Variants in NRG1 observed in about 807,000 individuals in gnomAD.
The protein encoded by NRG1 is neuregulin 1.
NRG1 carries 18 observed loss-of-function variants against 63.8 expected under a neutral mutation model. The observed-to-expected ratio is 0.28, with a 90% CI of 0.19 to 0.42. The LOEUF (loss-of-function observed/expected upper bound fraction) is 0.42. Ranked by LOEUF, NRG1 falls within the 10% of genes least tolerant of loss-of-function variation. The pLI, the probability that NRG1 is intolerant of heterozygous loss-of-function variation, is 1.00. For missense variants in NRG1, 762 were observed against 814.7 expected, an observed-to-expected ratio of 0.94 and a Z score of 0.79; for synonymous variants, 302 against 301.3, an observed-to-expected ratio of 1.00 and a Z score of -0.02.
At chr8:32,387,301 G>A (rs900379084) in intron 1 of NRG1, among the ~76,000 whole-genome samples, 1 of 152,198 alleles carries the variant, frequency 6.6e-6, no homozygotes, top group African/African-American at 2.4e-5. Context: ...TGGCTTTGAA[G>A]TTCAGAACAT....
chr8:31,718,706 A>G (rs1272534748), intron 1 of NRG1, among the ~76,000 whole-genome samples: 1 of 152,236 alleles, frequency 6.6e-6, no homozygotes, highest in African/African-American at 2.4e-5. Flanking sequence ...GGGGATGCAC[A>G]TTTGGAATAC....
chr8:32,278,358 A>C, intron 1 of NRG1, among the ~76,000 whole-genome samples: 1 of 152,318 alleles, frequency 6.6e-6, no homozygotes, highest in South Asian at 2.1e-4. Flanking sequence ...CTTCAAAAAA[A>C]GGATAAAAGT....
rs1372742082 is a variant in NRG1, at chr8:32,760,627, C to T, written c.1259+221C>T. On this transcript the variant is annotated intron_variant, in intron 11 of 11. Coordinates refer to ENST00000356819, the Ensembl canonical transcript of NRG1. ...CCCAGTGACTGACAGGCAACAGACT[C>T]TTAAAGAGCTGGGATGCTTTGATGC... is the stretch of plus-strand genomic sequence containing the variant. 3.0e-6 allele frequency: 4 copies of T among 1,352,986 alleles called. No individual in the cohort carries two copies. In the African/African-American group the frequency reaches 4.4e-5, roughly 15 times the overall value. The allele number at this position is 1,352,986 out of a possible 1,614,324, so 83.8% of individuals were successfully genotyped here.
chr8:32,520,161 C>A (rs970340443), intron 1 of NRG1, among the ~76,000 whole-genome samples: 2 of 151,996 alleles, frequency 1.3e-5, no homozygotes, highest in Non-Finnish European at 2.9e-5. Flanking sequence ...CTTTTGTTTT[C>A]TTCTGTTGTT....
At chr8:31,659,487 C>T (rs1484786859) in intron 1 of NRG1, among the ~76,000 whole-genome samples, 4 of 151,976 alleles carry the variant, frequency 2.6e-5, no homozygotes, top group Admixed American at 6.6e-5. Flanking sequence ...CCCCCAGGGG[C>T]GAGGGGGGAT....
At chr8:31,804,490 C>T (rs1303334935) in intron 1 of NRG1, among the ~76,000 whole-genome samples, 1 of 152,094 alleles carries the variant, frequency 6.6e-6, no homozygotes, top group Non-Finnish European at 1.5e-5. Flanking sequence ...GGCCAGGACC[C>T]CTCTTTTTAT....
At chr8:32,187,634 T>C (rs1436814748) in intron 1 of NRG1, among the ~76,000 whole-genome samples, 1 of 151,990 alleles carries the variant, frequency 6.6e-6, no homozygotes, top group Non-Finnish European at 1.5e-5. Context: ...GCACTTAGGC[T>C]AAAGTCACTG....
At chr8:31,888,792 A>G (rs952654354) in intron 1 of NRG1, among the ~76,000 whole-genome samples, 11 of 152,142 alleles carry the variant, frequency 7.2e-5, no homozygotes, top group African/African-American at 2.4e-4. Flanking sequence ...CACCATTAAT[A>G]AATCTGTTAT....
At chr8:32,157,505 C>T (rs376248641) in intron 1 of NRG1, among the ~76,000 whole-genome samples, 2 of 150,720 alleles carry the variant, frequency 1.3e-5, no homozygotes, top group South Asian at 2.1e-4. Flanking sequence ...ACTAAAAATA[C>T]AAAATTAGCC....
At chr8:31,742,361 A>G (rs1246200531) in intron 1 of NRG1, among the ~76,000 whole-genome samples, 2 of 151,282 alleles carry the variant, frequency 1.3e-5, no homozygotes, top group Admixed American at 6.6e-5. Context: ...CAAATTGTAT[A>G]TACATTTTAA....
chr8:31,729,982 C>G (rs531746752), intron 1 of NRG1, among the ~76,000 whole-genome samples: 36 of 152,150 alleles, frequency 2.4e-4, no homozygotes, highest in African/African-American at 8.4e-4. Context: ...AGAATTCCTA[C>G]GGAGTATAGG....
chr8:32,270,757 A>C (rs1467792369), intron 1 of NRG1, among the ~76,000 whole-genome samples: 1 of 152,214 alleles, frequency 6.6e-6, no homozygotes, highest in Non-Finnish European at 1.5e-5. Context: ...GCAGCTTTAA[A>C]TTGGCCATGT....
At chr8:31,788,977 C>A (rs1820436633) in intron 1 of NRG1, among the ~76,000 whole-genome samples, 1 of 152,188 alleles carries the variant, frequency 6.6e-6, no homozygotes, top group African/African-American at 2.4e-5. Flanking sequence ...TTTTAGAGAA[C>A]TGCCCATTAT....
intron 1 of NRG1, among the ~76,000 whole-genome samples, chr8:32,266,584 T>C (rs1850962166): frequency 6.6e-6 from 1 of 152,104 alleles, no homozygotes. Context: ...TAGCAAGAAA[T>C]ATTAAGATTA....
At chr8:32,027,067 T>C (rs1817493359) in intron 1 of NRG1, among the ~76,000 whole-genome samples, 1 of 152,162 alleles carries the variant, frequency 6.6e-6, no homozygotes, top group Non-Finnish European at 1.5e-5. Flanking sequence ...CTTTATCATC[T>C]AATTCTGTTA....
chr8:32,156,238 T>G (rs1361473473), intron 1 of NRG1, among the ~76,000 whole-genome samples: 1 of 152,192 alleles, frequency 6.6e-6, no homozygotes, highest in African/African-American at 2.4e-5. Context: ...CCTCCATGAT[T>G]TACCTAGTTG....
chr8:31,693,497 T>TAAAA (rs5890595), intron 1 of NRG1, among the ~76,000 whole-genome samples: 3 of 145,374 alleles, frequency 2.1e-5, no homozygotes, highest in Admixed American at 1.4e-4. Flanking sequence ...TAAAATGCAG[T>TAAAA]AAAAAAAAAA....
At chr8:32,081,015 A>G (rs1827384306) in intron 1 of NRG1, among the ~76,000 whole-genome samples, 1 of 152,056 alleles carries the variant, frequency 6.6e-6, no homozygotes, top group African/African-American at 2.4e-5. Context: ...CAGATCTTCA[A>G]CCGATTGAAT....
chr8:32,271,021 T>C (rs962127488), intron 1 of NRG1, among the ~76,000 whole-genome samples: 1 of 152,194 alleles, frequency 6.6e-6, no homozygotes, highest in African/African-American at 2.4e-5. Context: ...CATCAAAATA[T>C]AAAATAGATG....
Sources: allele counts gnomAD v4.1 joint callset (sites outside exome capture counted in the v4.1 genomes callset), GRCh38; gene constraint gnomAD v4.1.1; transcripts MANE v1.5; gene names NCBI Gene and HGNC (gene_info 2026-07-23, HGNC 2026-07-21).